VAC14: variants seen among roughly 807,000 people sequenced by gnomAD.
The protein encoded by VAC14 is VAC14 component of PIKFYVE complex, also known as protein VAC14 homolog.
A neutral mutation model predicts 85.3 loss-of-function variants in VAC14; 47 were observed. That is an observed-to-expected ratio of 0.55 (90% confidence interval 0.44 to 0.70). VAC14 has a LOEUF of 0.70. VAC14 is among the 30% of genes least tolerant of loss of function. VAC14 has a pLI of 0.00. For missense variants in VAC14, 861 were observed against 1,004.3 expected (o/e 0.86, Z 1.93); for synonymous variants, 447 against 430.5 (o/e 1.04, Z -0.47).
intron 18 of VAC14, chr16:70,690,726 C>T (rs1036203405): frequency 2.0e-6 from 2 of 985,432 alleles, no homozygotes; most frequent in African/African-American, 1.7e-5. Context: ...CTGTCCTCAG[C>T]TCCCTTCCCA....
intron 14 of VAC14, among the ~76,000 whole-genome samples, chr16:70,711,688 C>A (rs2142995854): frequency 6.6e-6 from 1 of 152,328 alleles, no homozygotes; most frequent in Admixed American, 6.5e-5. Flanking sequence ...GGGCACGGGC[C>A]ATTCCTGCCT....
intron 12 of VAC14, among the ~76,000 whole-genome samples, chr16:70,759,583 A>C (rs556496453): frequency 1.9e-4 from 29 of 152,314 alleles, no homozygotes; most frequent in African/African-American, 7.0e-4. Context: ...AGCCGACATC[A>C]CATCACCGCA....
At chr16:70,729,807 A>T (rs2054537142) in intron 14 of VAC14, among the ~76,000 whole-genome samples, 1 of 151,766 alleles carries the variant, frequency 6.6e-6, no homozygotes, top group Non-Finnish European at 1.5e-5. Context: ...GCACAGAGTT[A>T]GTGTTCAGTA....
At chr16:70,743,312 T>C (rs939380957) in intron 13 of VAC14, among the ~76,000 whole-genome samples, 3 of 152,180 alleles carry the variant, frequency 2.0e-5, no homozygotes, top group African/African-American at 7.2e-5. Context: ...CTCTGCAAAA[T>C]GGACCAATCA....
intron 13 of VAC14, among the ~76,000 whole-genome samples, chr16:70,735,093 G>C (rs921388755): frequency 6.6e-6 from 1 of 152,212 alleles, no homozygotes; most frequent in African/African-American, 2.4e-5. Context: ...AGCTGAGACT[G>C]AGGATGCAGG....
rs560776184 is a variant in VAC14 at position 70,718,347 on chromosome 16, C to T, written c.1661+13148G>A. ...CAGCACTTTGGGAGGCCAAGGCGGG[C>T]GGATCACGGGGTCAGGAGATTGAGA... On this transcript the variant is annotated intron_variant, in intron 14 of 18. Transcript: ENST00000261776. Among the ~76,000 whole-genome samples, 7 of 152,074 alleles carry T rather than the reference C, an allele frequency of 4.6e-5. No homozygotes were observed. The South Asian group carries it at 6.2e-4, about 14-fold the overall frequency.
At chr16:70,784,935 T>A in intron 3 of VAC14, 97 bp from the exon 4 acceptor site, 3 of 1,058,448 alleles carry the variant, frequency 2.8e-6, no homozygotes, top group Non-Finnish European at 4.4e-6. Context: ...GAGGCCTTGG[T>A]GCAGCCCAGA....
At chr16:70,700,890 C>T (rs1248223399) in intron 14 of VAC14, among the ~76,000 whole-genome samples, 3 of 152,206 alleles carry the variant, frequency 2.0e-5, no homozygotes, top group African/African-American at 7.2e-5. Context: ...CAGCGCTCTC[C>T]AGGGATCCAG....
chr16:70,777,931 G>A lies in VAC14; in HGVS notation c.1096+2859C>T, dbSNP rs574592095. On this transcript the variant is annotated intron_variant, in intron 9 of 18. Coordinates refer to ENST00000261776, the MANE Select transcript of VAC14 (RefSeq NM_018052.5). ...TGACCAGCGAAGCTATCTGTCCTGC[G>A]GCTGGCAGGGACTGTCTCCTGGGCA... Among the ~76,000 whole-genome samples the A allele has an allele frequency of 4.6e-5, 7 of 152,318 alleles. No homozygotes were observed. The South Asian group carries it at 8.3e-4, about 18-fold the overall frequency.
At chr16:70,798,287 AACTGACTCATTTAC>A (rs1223665598) in intron 1 of VAC14, among the ~76,000 whole-genome samples, 2 of 152,330 alleles carry the variant, frequency 1.3e-5, no homozygotes, top group East Asian at 3.9e-4. Flanking sequence ...GGAGCACATG[AACTGACTCATTTAC>A]ACTACATAGA....
At chr16:70,695,212 A>G (rs1291735466) in intron 17 of VAC14, among the ~76,000 whole-genome samples, 2 of 151,660 alleles carry the variant, frequency 1.3e-5, no homozygotes, top group African/African-American at 2.4e-5. Context: ...CCTGGGCTCA[A>G]GTGATCCTCC....
intron 4 of VAC14, 57 bp from the exon 5 acceptor site, chr16:70,784,277 C>T (rs772218583): frequency 5.5e-5 from 80 of 1,451,004 alleles, no homozygotes; most frequent in Non-Finnish European, 7.0e-5. Flanking sequence ...TGCCTGACCT[C>T]GCTGAATCAC....
At chr16:70,719,266 A>G (rs1443830927) in intron 14 of VAC14, among the ~76,000 whole-genome samples, 2 of 152,246 alleles carry the variant, frequency 1.3e-5, no homozygotes, top group African/African-American at 4.8e-5. Flanking sequence ...ATGCGGAACA[A>G]TCATCACTCA....
intron 9 of VAC14, chr16:70,772,859 G>A (rs1261999453): frequency 2.6e-5 from 4 of 152,208 alleles, no homozygotes; most frequent in Admixed American, 1.3e-4. Flanking sequence ...GGATAAATGA[G>A]GTGTGGTATA....
intron 13 of VAC14, among the ~76,000 whole-genome samples, chr16:70,739,781 C>T (rs1013273681): frequency 3.3e-5 from 5 of 152,198 alleles, no homozygotes; most frequent in African/African-American, 9.7e-5. Context: ...TGGCTTTCTG[C>T]TAGAACTTGT....
intron 7 of VAC14, 145 bp from the exon 8 acceptor site, chr16:70,782,148 T>C: frequency 8.5e-7 from 1 of 1,179,424 alleles, no homozygotes; most frequent in Non-Finnish European, 1.2e-6. Context: ...CTCTACTACC[T>C]GTGTGCTTTG....
At chr16:70,706,932 A>G (rs548784488) in intron 14 of VAC14, among the ~76,000 whole-genome samples, 1 of 152,338 alleles carries the variant, frequency 6.6e-6, no homozygotes, top group East Asian at 1.9e-4. Context: ...GCAACCTAAT[A>G]TCAAGGCTAC....
In VAC14 at chr16:70,731,478, G is replaced by GC; in HGVS notation, c.1661+16dup. On this transcript the variant is annotated intron_variant, in intron 14 of 18. Coordinates refer to ENST00000261776, the MANE Select transcript of VAC14 (RefSeq NM_018052.5). The stretch of plus-strand genomic sequence containing the variant: ...GGCCGTGGGAGGAAGAGGAGAAAGC[G>GC]CGCCGCCAAGGCTGACCTGATGATG... 1 of 1,608,092 alleles carries GC rather than the reference G, an allele frequency of 6.2e-7. No individual in the cohort carries two copies. The highest frequency in any genetic ancestry group is 1.3e-5 in the African/African-American group (1 of 74,622).
intron 14 of VAC14, among the ~76,000 whole-genome samples, chr16:70,706,379 G>T (rs1004152473): frequency 6.6e-6 from 1 of 152,254 alleles, no homozygotes. Flanking sequence ...AGGGCAACAG[G>T]CTTCAGGTGC....
Sources: gnomAD v4.1 joint callset for allele counts (sites outside exome capture counted in the v4.1 genomes callset) on GRCh38, gnomAD v4.1.1 for gene constraint, MANE v1.5 for transcripts, NCBI Gene and HGNC (gene_info 2026-07-23, HGNC 2026-07-21) for gene names.